MNAT1: variants seen among roughly 807,000 people sequenced by gnomAD.
The protein encoded by MNAT1 is CDK-activating kinase assembly factor MAT1.
A neutral mutation model predicts 42.0 loss-of-function variants in MNAT1; 43 were observed. The observed-to-expected ratio is 1.02, with a 90% CI of 0.80 to 1.32. The LOEUF (loss-of-function observed/expected upper bound fraction) is 1.32, where lower values mean the gene tolerates loss of function less well. Ranked by LOEUF, MNAT1 falls within the 40% of genes most tolerant of loss-of-function variation. The pLI, the probability that MNAT1 is intolerant of heterozygous loss-of-function variation, is 0.00. For missense variants in MNAT1, 306 were observed against 350.4 expected (o/e 0.87, Z 1.01); for synonymous variants, 118 against 120.0 (o/e 0.98, Z 0.11).
At chr14:60,933,592 G>A (rs946873559) in intron 7 of MNAT1, among the ~76,000 whole-genome samples, 2 of 152,100 alleles carry the variant, frequency 1.3e-5, no homozygotes, top group Non-Finnish European at 2.9e-5. Flanking sequence ...TATTTAATAA[G>A]AATTTTAGTT....
intron 1 of MNAT1, among the ~76,000 whole-genome samples, chr14:60,793,643 G>A (rs920717697): frequency 6.6e-6 from 1 of 151,656 alleles, no homozygotes; most frequent in Non-Finnish European, 1.5e-5. Flanking sequence ...AAAGCACTGG[G>A]ATTATAGGCG....
At chr14:60,822,778 A>T (rs1470044214) in intron 6 of MNAT1, among the ~76,000 whole-genome samples, 1 of 151,264 alleles carries the variant, frequency 6.6e-6, no homozygotes, top group Non-Finnish European at 1.5e-5. Flanking sequence ...TGTTTTTGAG[A>T]TGGAGTCTTG....
chr14:60,925,956 G>A (rs2035755400), intron 7 of MNAT1, among the ~76,000 whole-genome samples: 1 of 152,130 alleles, frequency 6.6e-6, no homozygotes, highest in Admixed American at 6.5e-5. Flanking sequence ...TCATAGAGTA[G>A]GTCAGTCAGA....
chr14:60,915,015 G>T (rs1187324379), intron 7 of MNAT1, among the ~76,000 whole-genome samples: 1 of 152,210 alleles, frequency 6.6e-6, no homozygotes, highest in Non-Finnish European at 1.5e-5. Flanking sequence ...GGTGAGAGAA[G>T]ATGCTGATTG....
At chr14:60,900,927 G>A (rs1371568657) in intron 7 of MNAT1, among the ~76,000 whole-genome samples, 1 of 145,306 alleles carries the variant, frequency 6.9e-6, no homozygotes, top group Non-Finnish European at 1.5e-5. Flanking sequence ...GGTTGAGGCT[G>A]CAGTGAGCCA....
chr14:60,938,237 G>C (rs1162010492), intron 7 of MNAT1, among the ~76,000 whole-genome samples: 1 of 152,040 alleles, frequency 6.6e-6, no homozygotes, highest in Non-Finnish European at 1.5e-5. Flanking sequence ...CTGCCTGATT[G>C]CCCTGGCCAG....
chr14:60,849,214 A>G (rs1166962190), intron 6 of MNAT1, among the ~76,000 whole-genome samples: 1 of 152,214 alleles, frequency 6.6e-6, no homozygotes, highest in Non-Finnish European at 1.5e-5. Flanking sequence ...AGAAACAGCA[A>G]ATCACTCATG....
At chr14:60,821,738 A>G (rs1032971926) in intron 6 of MNAT1, among the ~76,000 whole-genome samples, 2 of 152,154 alleles carry the variant, frequency 1.3e-5, no homozygotes, top group African/African-American at 4.8e-5. Context: ...GCTATTTTCC[A>G]TGCCGGTCTC....
chr14:60,750,646 TA>T (rs972643930), intron 1 of MNAT1, among the ~76,000 whole-genome samples: 4 of 152,018 alleles, frequency 2.6e-5, no homozygotes, highest in African/African-American at 9.7e-5. Context: ...AGCTATTTTT[TA>T]AAAAAATTAC....
rs1028777308 is a variant in MNAT1, at chr14:60,808,416, T to C, written c.408T>C (p.Asn136=). 2 of 1,542,162 alleles carry C rather than the reference T, an allele frequency of 1.3e-6. No homozygotes were observed. The highest frequency in any genetic ancestry group is 2.8e-5 in the African/African-American group (2 of 71,196). Residue 136 remains asparagine, a synonymous_variant, in exon 4 of 8, where the codon AAT becomes AAC. Transcript: ENST00000261245. ...QKENKDVIQK[N]KLKLTREQEE... ...AAAACAAAGATGTTATTCAGAAAAATAAATTAAAGCTGGTCGGTTGCTAAG... is the reference window on the plus strand; with the variant it reads ...AAAACAAAGATGTTATTCAGAAAAACAAATTAAAGCTGGTCGGTTGCTAAG...
At chr14:60,841,119 TTC>T (rs975332662) in intron 6 of MNAT1, among the ~76,000 whole-genome samples, 2 of 151,114 alleles carry the variant, frequency 1.3e-5, no homozygotes, top group South Asian at 2.1e-4. Flanking sequence ...TTCTTACTGA[TTC>T]TCTCTCTCTC....
chr14:60,904,857 G>A (rs1179351774), intron 7 of MNAT1, among the ~76,000 whole-genome samples: 3 of 151,504 alleles, frequency 2.0e-5, no homozygotes, highest in Admixed American at 6.6e-5. Context: ...TACTTCTCCC[G>A]TATCGTGGTA....
At chr14:60,959,720 T>A (rs1183954961) in intron 7 of MNAT1, among the ~76,000 whole-genome samples, 1 of 152,202 alleles carries the variant, frequency 6.6e-6, no homozygotes, top group Admixed American at 6.5e-5. Flanking sequence ...GTTATTCCCA[T>A]TCATGGGTAG....
chr14:60,839,731 G>T (rs759389874), intron 6 of MNAT1, among the ~76,000 whole-genome samples: 2 of 152,218 alleles, frequency 1.3e-5, no homozygotes, highest in Non-Finnish European at 2.9e-5. Context: ...TTGTCCAGAC[G>T]TGGGTGCCTG....
intron 7 of MNAT1, among the ~76,000 whole-genome samples, chr14:60,960,149 G>A (rs1168032821): frequency 6.6e-6 from 1 of 152,060 alleles, no homozygotes; most frequent in Non-Finnish European, 1.5e-5. Context: ...CTTAGGTGGG[G>A]GAATCAAATA....
chr14:60,763,407 G>A (rs1290103539), intron 1 of MNAT1, among the ~76,000 whole-genome samples: 3 of 152,078 alleles, frequency 2.0e-5, no homozygotes, highest in African/African-American at 7.2e-5. Context: ...CTTTATGCTG[G>A]AAGAGATCTC....
intron 3 of MNAT1, among the ~76,000 whole-genome samples, chr14:60,801,031 G>A (rs2032185907): frequency 6.6e-6 from 1 of 152,008 alleles, no homozygotes; most frequent in Non-Finnish European, 1.5e-5. Context: ...TTTATAAAAT[G>A]CTATGGGAAT....
At chr14:60,913,354 G>C (rs982630861) in intron 7 of MNAT1, among the ~76,000 whole-genome samples, 1 of 152,158 alleles carries the variant, frequency 6.6e-6, no homozygotes, top group African/African-American at 2.4e-5. Context: ...ATCCAGCTTT[G>C]TTCCGTTGCT....
chr14:60,820,993 G>A (rs2032874162), intron 6 of MNAT1, among the ~76,000 whole-genome samples: 3 of 152,052 alleles, frequency 2.0e-5, no homozygotes, highest in Non-Finnish European at 4.4e-5. Flanking sequence ...GAAGGCCTAA[G>A]GTAAGAAACA....
Sources: allele counts gnomAD v4.1 joint callset (sites outside exome capture counted in the v4.1 genomes callset), GRCh38; gene constraint gnomAD v4.1.1; transcripts MANE v1.5; gene names NCBI Gene and HGNC (gene_info 2026-07-23, HGNC 2026-07-21).